The following ULK1 variants were observed in gnomAD, a reference collection of about 807,000 sequenced individuals.
The protein encoded by ULK1 is unc-51 like autophagy activating kinase 1, also known as serine/threonine-protein kinase ULK1.
In ULK1, 48 loss-of-function variants were observed where a neutral mutation model predicts 117.5. The observed-to-expected ratio is 0.41, with a 90% CI of 0.32 to 0.52. ULK1 has a LOEUF of 0.52. Among genes scored for constraint, ULK1 ranks in the 20% least tolerant of loss-of-function variants. The pLI, the probability that ULK1 is intolerant of heterozygous loss-of-function variation, is 0.29. For synonymous variants in ULK1, 790 were observed against 637.8 expected, an observed-to-expected ratio of 1.24 and a Z score of -3.60; for missense variants, 1,387 against 1,473.4, an observed-to-expected ratio of 0.94 and a Z score of 0.96.
In ULK1 at chr12:131,916,461, C is replaced by T. The variant is rs188063346; in HGVS notation, c.1942C>T (p.Arg648Trp). The change falls in exon 20 of 28, where the codon CGG becomes TGG. Residue 648 changes from arginine (R) to tryptophan (W), a missense_variant. Transcript: ENST00000321867. Reference protein sequence around the residue: ...SSQNLLALLARQGVVMTPPRN... With the variant: ...SSQNLLALLAWQGVVMTPPRN... ...CCAGAACCTGCTGGCCCTCCTAGCC[C>T]GGCAGGGCGTGGTGATGACGCCCCC... 7.9e-5 allele frequency: 128 copies of T among 1,611,848 alleles called. 1 individual carries two copies. The highest frequency in any genetic ancestry group is 6.6e-4 in the Middle Eastern group (4 of 6,048).
At position 131,914,374 on chromosome 12, in the gene ULK1, A is replaced by T. The variant is rs1338961741; in HGVS notation, c.1270A>T (p.Ser424Cys). 1.2e-6 allele frequency: 2 copies of T among 1,611,994 alleles called. No individual in the cohort carries two copies. Among genetic ancestry groups the T allele is most frequent in the Non-Finnish European group, 8.5e-7 (1 of 1,179,954 alleles). Residue 424 changes from serine (S) to cysteine (C), a missense_variant, in exon 16 of 28, where the codon AGC becomes TGC. Ser to Cys is a moderately radical substitution (Grantham distance 112, BLOSUM62 -1). This residue lies in a region of ULK1 where 260 missense variants were observed against 271.6 expected (regional missense o/e 0.96). Coordinates refer to ENST00000321867, the MANE Select transcript of ULK1 (RefSeq NM_003565.4). The stretch of plus-strand genomic sequence containing the variant: ...CAGCCGGGCTGGCCCGTTCTCCAGC[A>T]GCAGGTGCGGCGCCTCTGTCCCCAT... ...PSGRAGPFSS[S>C]RCGASVPIPV...
In ULK1 at chr12:131,908,864, G is replaced by GGCCGGC. The variant is rs761230658; in HGVS notation, c.491-28_491-23dup. ...CGGGCCCGGCGGGGAGGGGCTCCGG[G>GGCCGGC]GCCGGCGCCGGTCCTGACGCTTCTC... On this transcript the variant is annotated intron_variant, in intron 6 of 27. Transcript: ENST00000321867. 50 of 1,607,112 alleles carry GGCCGGC rather than the reference G, an allele frequency of 3.1e-5. No individual in the cohort carries two copies. In the South Asian group the frequency reaches 4.4e-4, roughly 14 times the overall value.
chr12:131,921,695 G>C lies in ULK1; in HGVS notation c.*334G>C. 1.7e-6 allele frequency: 1 copy of C among 604,636 alleles called. No homozygotes were observed. Among genetic ancestry groups the C allele is most frequent in the Non-Finnish European group, 3.1e-6 (1 of 327,110 alleles). 37.5% of individuals were successfully genotyped at this position (604,636 alleles called of 1,614,324 possible). A position where few individuals can be genotyped will look rare whatever the true frequency, so the allele number is the denominator to read the frequency against. ...GGACAGGCAAGGGCCTGAGACCACT[G>C]CCGACTCAAAGCCAAAGCGAGCTCC... is the stretch of plus-strand genomic sequence containing the variant. On this transcript the variant is annotated 3_prime_UTR_variant, in exon 28 of 28. Transcript: ENST00000321867.
Position 131,915,067 on chromosome 12 carries a change from T to C in ULK1, c.1374-16T>C, listed in dbSNP as rs558008107. 17 of 1,526,636 alleles carry C rather than the reference T, an allele frequency of 1.1e-5. No individual in the cohort carries two copies. In the East Asian group the frequency reaches 2.3e-4, roughly 20 times the overall value. The allele number at this position is 1,526,636 out of a possible 1,614,324, so 94.6% of individuals were successfully genotyped here. On this transcript the variant is annotated splice_polypyrimidine_tract_variant and intron_variant, in intron 16 of 27. Coordinates refer to ENST00000321867, the MANE Select transcript of ULK1 (RefSeq NM_003565.4). Reference sequence around the variant, plus strand: ...GCTGCTGAGGCCTCCCCTCCTAATATCTGCCTTGTCTTCAGGTCCTCTGCC... The same window carrying C: ...GCTGCTGAGGCCTCCCCTCCTAATACCTGCCTTGTCTTCAGGTCCTCTGCC...
intron 5 of ULK1, among the ~76,000 whole-genome samples, chr12:131,908,019 C>G (rs1268979263): frequency 6.6e-6 from 1 of 151,690 alleles, no homozygotes; most frequent in Non-Finnish European, 1.5e-5. Context: ...GGGGCGCCGG[C>G]GGCCTCTTGG....
chr12:131,901,722 TATC>T (rs1889098271), intron 3 of ULK1, among the ~76,000 whole-genome samples: 1 of 152,232 alleles, frequency 6.6e-6, no homozygotes. Flanking sequence ...TGTCACCTGG[TATC>T]AGTATCTGTC....
rs767043130 is a variant in ULK1, at chr12:131,919,937, G to A, written c.2804-42G>A. ...ATCATGGCCACTCCAGCCCTGCCCCGTGTCTGCTGCACCCTGAGCTGACCA... is the reference window on the plus strand; with the variant it reads ...ATCATGGCCACTCCAGCCCTGCCCCATGTCTGCTGCACCCTGAGCTGACCA... On this transcript the variant is annotated intron_variant, in intron 25 of 27. Transcript: ENST00000321867. 115 of 1,597,194 alleles carry A rather than the reference G, an allele frequency of 7.2e-5. No homozygotes were observed. The South Asian group carries it at 9.3e-4, about 13-fold the overall frequency.
rs913074428 is a variant in ULK1, at chr12:131,919,757, G to C, written c.2803+167G>C. The C allele has an allele frequency of 4.8e-6, 5 of 1,032,296 alleles. No individual in the cohort carries two copies. The Admixed American group carries it at 1.3e-4, about 26-fold the overall frequency. The allele number at this position is 1,032,296 out of a possible 1,614,324, so 63.9% of individuals were successfully genotyped here. A position where few individuals can be genotyped will look rare whatever the true frequency, so the allele number is the denominator to read the frequency against. ...TGCAGAGCACAGAGGCCATTGGGTC[G>C]GACAGCACCCTGGAGCCCAGTATGC... is the stretch of plus-strand genomic sequence containing the variant. On this transcript the variant is annotated intron_variant, in intron 25 of 27. Coordinates refer to ENST00000321867, the MANE Select transcript of ULK1 (RefSeq NM_003565.4).
In ULK1 at chr12:131,920,876, C is replaced by G. The variant is rs7300908; in HGVS notation, c.2962-224C>G. The G allele has an allele frequency of 2.5e-5, 15 of 602,898 alleles. No individual in the cohort carries two copies. In the African/African-American group the frequency reaches 2.8e-4, roughly 11 times the overall value. 37.3% of individuals were successfully genotyped at this position (602,898 alleles called of 1,614,324 possible). ...GGCGGGCACTCTGTTGTCCTGGGGC[C>G]GGGCTGAGAGCGCTGGCCAGGGTCA... On this transcript the variant is annotated intron_variant, in intron 26 of 27. Coordinates refer to ENST00000321867, the MANE Select transcript of ULK1 (RefSeq NM_003565.4).
chr12:131,907,174 C>T (rs1253526765), intron 4 of ULK1, among the ~76,000 whole-genome samples: 2 of 152,202 alleles, frequency 1.3e-5, no homozygotes, highest in Non-Finnish European at 1.5e-5. Flanking sequence ...TGTGTGCCAC[C>T]ACGCCCGGCT....
rs1221869789 is a variant in ULK1, at chr12:131,923,086, GATTTCCTGCCCTTTGCGTTATATTGTATA to G, written c.*1728_*1756del. 2.0e-5 allele frequency: 3 copies of G among 152,256 alleles called. No individual in the cohort carries two copies. Among genetic ancestry groups the G allele is most frequent in the Non-Finnish European group, 4.4e-5 (3 of 68,060 alleles). 9.4% of individuals were successfully genotyped at this position (152,256 alleles called of 1,614,324 possible). A position where few individuals can be genotyped will look rare whatever the true frequency, so the allele number is the denominator to read the frequency against. ...GTCTATTTTAAAGCGAATTTTGTGTGATTTCCTGCCCTTTGCGTTATATTGTATAATACCAACGTAAGGAAATAAACCTT... is the reference window on the plus strand; with the variant it reads ...GTCTATTTTAAAGCGAATTTTGTGTGATACCAACGTAAGGAAATAAACCTT... On this transcript the variant is annotated 3_prime_UTR_variant, in exon 28 of 28. Coordinates refer to ENST00000321867, the MANE Select transcript of ULK1 (RefSeq NM_003565.4).
At position 131,922,078 on chromosome 12, in the gene ULK1, C is replaced by CTGGTCCTCTG; in HGVS notation, c.*717_*718insTGGTCCTCTG. On this transcript the variant is annotated 3_prime_UTR_variant, in exon 28 of 28. Coordinates refer to ENST00000321867, the MANE Select transcript of ULK1 (RefSeq NM_003565.4). ...TTTGTTCAAGCGTTCCTCTGGGGAC[C>CTGGTCCTCTG]GGCAGCAGAGGCACCGTGTTCTCTC... 2.2e-6 allele frequency: 1 copy of CTGGTCCTCTG among 451,610 alleles called. No homozygotes were observed. 28.0% of individuals were successfully genotyped at this position (451,610 alleles called of 1,614,324 possible). A position where few individuals can be genotyped will look rare whatever the true frequency, so the allele number is the denominator to read the frequency against.
In ULK1 at chr12:131,922,014, G is replaced by C. The variant is rs759152346; in HGVS notation, c.*653G>C. The C allele has an allele frequency of 2.6e-5, 12 of 454,382 alleles. No homozygotes were observed. Among genetic ancestry groups the C allele is most frequent in the Admixed American group, 1.2e-4 (5 of 42,500 alleles). The allele number at this position is 454,382 out of a possible 1,614,324, so 28.1% of individuals were successfully genotyped here. ...GGACCTCAGCGGGAGAACTGGCTCC[G>C]GGGGGAGTGGGGCCCTGCGCTAGAG... On this transcript the variant is annotated 3_prime_UTR_variant, in exon 28 of 28. Transcript: ENST00000321867.
At chr12:131,918,860 T>C (rs1306046876) in intron 23 of ULK1, among the ~76,000 whole-genome samples, 179 bp downstream of exon 23, 3 of 76,536 alleles carry the variant, frequency 3.9e-5, no homozygotes, top group Non-Finnish European at 5.9e-5. Flanking sequence ...GTGTGGGGTG[T>C]CGGGTGTGTG....
chr12:131,916,166 G>A lies in ULK1; in HGVS notation c.1878+7G>A. Reference sequence around the variant, plus strand: ...CCTGGGCTCCCCCACCAAGGTAATGGGCACTGCCATGTGTGCAGGGGCACA... The same window carrying A: ...CCTGGGCTCCCCCACCAAGGTAATGAGCACTGCCATGTGTGCAGGGGCACA... On this transcript the variant is annotated splice_region_variant and intron_variant, in intron 19 of 27. Coordinates refer to ENST00000321867, the MANE Select transcript of ULK1 (RefSeq NM_003565.4). The A allele has an allele frequency of 6.2e-7, 1 of 1,609,984 alleles. No individual in the cohort carries two copies. The highest frequency in any genetic ancestry group is 8.5e-7 in the Non-Finnish European group (1 of 1,178,854).
At chr12:131,898,536 T>G (rs1888963884) in intron 3 of ULK1, among the ~76,000 whole-genome samples, 1 of 152,084 alleles carries the variant, frequency 6.6e-6, no homozygotes, top group Non-Finnish European at 1.5e-5. Flanking sequence ...AGTTTTGCTC[T>G]TGTCGCCCAG....
At chr12:131,899,500 T>C (rs1006374777) in intron 3 of ULK1, among the ~76,000 whole-genome samples, 3 of 146,804 alleles carry the variant, frequency 2.0e-5, no homozygotes, top group Non-Finnish European at 3.0e-5. Flanking sequence ...TTTTAATATA[T>C]TTTTTAAAGA....
At chr12:131,906,767 G>T in intron 3 of ULK1, 125 bp from the exon 4 acceptor site, 1 of 1,216,272 alleles carries the variant, frequency 8.2e-7, no homozygotes. Context: ...TCTCCCGGCC[G>T]CTGGCTGACC....
In ULK1 at chr12:131,908,742, C is replaced by T. The variant is rs1889384834; in HGVS notation, c.415C>T (p.Leu139=). Residue 139 remains leucine (L), a synonymous_variant, in exon 6 of 28, where the codon CTG becomes TTG. Transcript: ENST00000321867. ...LHSKGIIHRD[L]KPQNILLSNP... is the part of the protein sequence containing the mutation. ...CAGCAAAGGCATCATCCACCGCGAC[C>T]TGAAACCGCAGAACATCCTGCTGTC... 6.2e-7 allele frequency: 1 copy of T among 1,609,076 alleles called. No homozygotes were observed. Among genetic ancestry groups the T allele is most frequent in the Non-Finnish European group, 8.5e-7 (1 of 1,178,740 alleles).
Sources: gnomAD v4.1 joint callset for allele counts (sites outside exome capture counted in the v4.1 genomes callset) on GRCh38, gnomAD v4.1.1 for gene constraint, gnomAD v4.1.1 regional missense constraint, MANE v1.5 for transcripts, NCBI Gene and HGNC (gene_info 2026-07-23, HGNC 2026-07-21) for gene names.